Variants in PLCZ1 observed in about 807,000 individuals in gnomAD.
The protein encoded by PLCZ1 is 1-phosphatidylinositol 4,5-bisphosphate phosphodiesterase zeta-1.
PLCZ1 carries 64 observed loss-of-function variants against 76.8 expected under a neutral mutation model. The ratio of observed to expected loss-of-function variants is 0.83; its 90% confidence interval spans 0.68 to 1.03. The LOEUF (loss-of-function observed/expected upper bound fraction) is 1.03. Among genes scored for constraint, PLCZ1 ranks in the 50% least tolerant of loss-of-function variants. PLCZ1 has a pLI of 0.00. For synonymous variants in PLCZ1, 248 were observed against 230.8 expected (o/e 1.07, Z -0.68); for missense variants, 751 against 713.7 (o/e 1.05, Z -0.60).
the PLCZ1 span, among the ~76,000 whole-genome samples, chr12:18,665,607 A>G: frequency 5.3e-5 from 8 of 152,152 alleles, no homozygotes; most frequent in African/African-American, 1.4e-4. Flanking sequence ...AGCCTGACCA[A>G]CATAGTGAAA....
Position 18,684,280 on chromosome 12 carries a change from C to G in PLCZ1, c.1592-1G>C. Reference sequence around the variant, plus strand: ...GTTTCATTCCATCTTGGACTAAAAGCTGAAATATAAAAAAAGAAGATACAA... The same window carrying G: ...GTTTCATTCCATCTTGGACTAAAAGGTGAAATATAAAAAAAGAAGATACAA... On this transcript the variant is annotated splice_acceptor_variant, in intron 13 of 14. Coordinates refer to ENST00000266505, the MANE Select transcript of PLCZ1 (RefSeq NM_033123.4). LOFTEE classifies it high-confidence loss of function. 1 of 1,601,118 alleles carries G rather than the reference C, an allele frequency of 6.2e-7. No individual in the cohort carries two copies. Among genetic ancestry groups the G allele is most frequent in the South Asian group, 1.1e-5 (1 of 90,542 alleles).
chr12:18,696,329 TATATATATATATATATATATATC>T, intron 10 of PLCZ1, 63 bp from the exon 11 acceptor site: 1 of 52,018 alleles, frequency 1.9e-5, no homozygotes, highest in Non-Finnish European at 5.4e-5. Flanking sequence ...CCACTATATA[TATATATATATATATATATATATC>T]ATATAATTCT....
At chr12:18,676,122 A>G in the PLCZ1 span, among the ~76,000 whole-genome samples, 1 of 152,130 alleles carries the variant, frequency 6.6e-6, no homozygotes, top group Admixed American at 6.6e-5. Flanking sequence ...AGACATTGCC[A>G]TCTTGGGACT....
At chr12:18,728,747 G>C (rs1958888785) in intron 3 of PLCZ1, among the ~76,000 whole-genome samples, 1 of 152,152 alleles carries the variant, frequency 6.6e-6, no homozygotes, top group Non-Finnish European at 1.5e-5. Flanking sequence ...AAAACAGATT[G>C]CAATGGATCA....
At chr12:18,710,936 G>A (rs995360280) in intron 6 of PLCZ1, among the ~76,000 whole-genome samples, 1 of 152,014 alleles carries the variant, frequency 6.6e-6, no homozygotes, top group African/African-American at 2.4e-5. Flanking sequence ...ACTGTTGGTT[G>A]GACTGTAAAC....
At chr12:18,736,953 G>A (rs2417721) in intron 2 of PLCZ1, among the ~76,000 whole-genome samples, 47,360 of 151,366 alleles carry the variant, frequency 0.31, 7,594 homozygotes, top group African/African-American at 0.37. Context: ...TATGAAAAAC[G>A]AAAAAAATTT....
intron 5 of PLCZ1, among the ~76,000 whole-genome samples, chr12:18,718,199 C>A (rs1254018413): frequency 6.6e-6 from 1 of 152,048 alleles, no homozygotes; most frequent in Non-Finnish European, 1.5e-5. Flanking sequence ...TGGGATGTAA[C>A]CACATTGTAA....
the PLCZ1 span, among the ~76,000 whole-genome samples, chr12:18,650,331 C>CTCTATA: frequency 7.3e-4 from 67 of 91,974 alleles, no homozygotes; most frequent in Middle Eastern, 7.7e-3. Flanking sequence ...CTCTCTCTCT[C>CTCTATA]TATATATATA....
chr12:18,693,769 A>AT, intron 12 of PLCZ1: 1 of 1,516,454 alleles, frequency 6.6e-7, no homozygotes, highest in Non-Finnish European at 9.1e-7. Context: ...TCATGGCCAC[A>AT]AACCAAATAG....
At chr12:18,668,706 G>A in the PLCZ1 span, among the ~76,000 whole-genome samples, 1 of 152,106 alleles carries the variant, frequency 6.6e-6, no homozygotes, top group Non-Finnish European at 1.5e-5. Flanking sequence ...TAAAGGAAAA[G>A]ACCATTTATC....
At chr12:18,653,615 G>T in the PLCZ1 span, among the ~76,000 whole-genome samples, 1 of 152,114 alleles carries the variant, frequency 6.6e-6, no homozygotes, top group African/African-American at 2.4e-5. Context: ...TGGTTTTAGG[G>T]TGACAGAGCA....
At chr12:18,667,993 GATTTTTACC>G in the PLCZ1 span, among the ~76,000 whole-genome samples, 11 of 152,148 alleles carry the variant, frequency 7.2e-5, no homozygotes, top group Admixed American at 4.6e-4. Context: ...AAAGGCAAAA[GATTTTTACC>G]TAAGGTCTAC....
intron 10 of PLCZ1, 44 bp downstream of exon 10, chr12:18,699,750 T>C (rs1223602650): frequency 6.4e-7 from 1 of 1,564,656 alleles, no homozygotes. Flanking sequence ...GCAGTGAATC[T>C]AACTCATTTA....
At chr12:18,679,149 T>C (rs1009723430), downstream of PLCZ1, among the ~76,000 whole-genome samples, 1 of 152,108 alleles carries the variant, frequency 6.6e-6, no homozygotes, top group African/African-American at 2.4e-5. Flanking sequence ...CCTGTTCAAA[T>C]ATTTTGCCCA....
chr12:18,646,118 A>AT, the PLCZ1 span, among the ~76,000 whole-genome samples: 1 of 152,152 alleles, frequency 6.6e-6, no homozygotes, highest in Admixed American at 6.6e-5. Context: ...GGGTTCTGAG[A>AT]TTTTTTAAGG....
At position 18,736,152 on chromosome 12, in the gene PLCZ1, A is replaced by G. The variant is rs1959223919; in HGVS notation, c.135+69T>C. On this transcript the variant is annotated intron_variant, in intron 3 of 14. Coordinates refer to ENST00000266505, the MANE Select transcript of PLCZ1 (RefSeq NM_033123.4). ...TTCTTCTTAAGAGACTAACCTTTAT[A>G]TGACAATTACTGACATTGGATTAAG... 46 of 1,542,998 alleles carry G rather than the reference A, an allele frequency of 3.0e-5. 1 individual carries two copies. In the South Asian group the frequency reaches 4.9e-4, roughly 16 times the overall value.
At chr12:18,714,610 C>A (rs1957731626) in intron 5 of PLCZ1, 1 of 152,120 alleles carries the variant, frequency 6.6e-6, no homozygotes, top group Non-Finnish European at 1.5e-5. Context: ...CCTTGTCATA[C>A]ATAGAGATAT....
intron 2 of PLCZ1, chr12:18,736,811 TTAGTGTTC>T: frequency 1.7e-6 from 1 of 576,294 alleles, no homozygotes; most frequent in East Asian, 6.7e-5. Context: ...TTTCTGCTAC[TTAGTGTTC>T]AATAAATAGT....
At position 18,699,832 on chromosome 12, in the gene PLCZ1, A is replaced by G. The variant is rs201548309; in HGVS notation, c.1136T>C (p.Ile379Thr). ...AAGTTTTCGGGCTTGTGTCTCCCCAATAGAATTATTTTCATTAAATTGCTG... is the reference window on the plus strand; with the variant it reads ...AAGTTTTCGGGCTTGTGTCTCCCCAGTAGAATTATTTTCATTAAATTGCTG... ...LYQQFNENNS[I>T]GETQARKLSK... The change falls in exon 10 of 15, where the codon ATT (isoleucine) becomes ACT (threonine). Residue 379 changes from isoleucine (I) to threonine (T), a missense_variant. Coordinates refer to ENST00000266505, the MANE Select transcript of PLCZ1 (RefSeq NM_033123.4). The G allele has an allele frequency of 5.2e-5, 84 of 1,613,448 alleles. No individual in the cohort carries two copies. The Admixed American group carries it at 5.3e-4, about 10-fold the overall frequency.
Sources: allele counts gnomAD v4.1 joint callset (sites outside exome capture counted in the v4.1 genomes callset), GRCh38; gene constraint gnomAD v4.1.1; transcripts MANE v1.5; gene names NCBI Gene and HGNC (gene_info 2026-07-23, HGNC 2026-07-21).